The following DUSP11 variants were observed in gnomAD, a reference collection of about 807,000 sequenced individuals.
DUSP11 encodes RNA/RNP complex-1-interacting phosphatase.
In DUSP11, 27 loss-of-function variants were observed where a neutral mutation model predicts 41.4. The ratio of observed to expected loss-of-function variants is 0.65; its 90% CI spans 0.48 to 0.90. The LOEUF (loss-of-function observed/expected upper bound fraction) is 0.90, where lower values mean the gene tolerates loss of function less well. Among genes scored for constraint, DUSP11 ranks in the 40% least tolerant of loss-of-function variants. The pLI is 0.00. For missense variants in DUSP11, 465 were observed against 461.1 expected (o/e 1.01, Z -0.08); for synonymous variants, 188 against 159.3 (o/e 1.18, Z -1.35).
At chr2:73,765,030 ATAGT>A (rs1298284576) in intron 8 of DUSP11, among the ~76,000 whole-genome samples, 3 of 152,190 alleles carry the variant, frequency 2.0e-5, no homozygotes, top group Admixed American at 1.3e-4. Context: ...GCTATTTGTG[ATAGT>A]TAATTTTAGG....
intron 7 of DUSP11, 31 bp downstream of exon 7, chr2:73,766,797 A>T: frequency 6.5e-7 from 1 of 1,548,078 alleles, no homozygotes; most frequent in Non-Finnish European, 8.9e-7. Flanking sequence ...TCCCTGACCC[A>T]CAAATCTCAC....
Position 73,766,424 on chromosome 2 carries a change from G to A in DUSP11, c.929C>T (p.Ser310Leu), listed in dbSNP as rs575155287. 2.5e-6 allele frequency: 4 copies of A among 1,610,082 alleles called. No individual in the cohort carries two copies. The African/African-American group carries it at 5.3e-5, about 22-fold the overall frequency. Residue 310 changes from serine to leucine, a missense_variant, in exon 8 of 9, where the codon TCA (serine) becomes TTA (leucine). Ser to Leu is a moderately radical substitution (Grantham distance 145). Coordinates refer to ENST00000272444, the Ensembl canonical transcript of DUSP11. ...GGAAAACAGAGAGAGGTACCTGACT[G>A]ATTGTTGCAAACTTTGGGTCTGGGT... is the stretch of plus-strand genomic sequence containing the variant.
chr2:73,779,975 G>T, exon 1 of DUSP11: 1 of 1,614,248 alleles, frequency 6.2e-7, no homozygotes, highest in Non-Finnish European at 8.5e-7. Context: ...ACTGGCTCAT[G>T]TGGGTCCCAA....
At chr2:73,764,823 T>C (rs1416799046) in intron 8 of DUSP11, among the ~76,000 whole-genome samples, 3 of 152,030 alleles carry the variant, frequency 2.0e-5, no homozygotes, top group Admixed American at 1.3e-4. Flanking sequence ...AAAAGTTAGC[T>C]GGGCGTGGTG....
At position 73,778,260 on chromosome 2, in the gene DUSP11, A is replaced by T. The variant is rs917706660; in HGVS notation, c.318+41T>A. On this transcript the variant is annotated intron_variant, in intron 2 of 8. Coordinates refer to ENST00000272444, the Ensembl canonical transcript of DUSP11. The stretch of plus-strand genomic sequence containing the variant: ...TGGAGAGCAGTGTTCTGCATGGTGA[A>T]CTCAGATGCCTGAAAGAATACTGAA... The T allele has an allele frequency of 4.3e-6, 6 of 1,384,836 alleles. No homozygotes were observed. In the African/African-American group the frequency reaches 8.7e-5, roughly 20 times the overall value. The allele number at this position is 1,384,836 out of a possible 1,614,324, so 85.8% of individuals were successfully genotyped here.
intron 1 of DUSP11, 71 bp downstream of exon 1, chr2:73,779,803 C>T: frequency 6.3e-7 from 1 of 1,592,950 alleles, no homozygotes; most frequent in South Asian, 1.1e-5. Context: ...AGGCAGAGAC[C>T]ACAAACGATG....
intron 2 of DUSP11, 69 bp downstream of exon 2, chr2:73,778,232 G>A: frequency 5.0e-6 from 5 of 993,290 alleles, no homozygotes; most frequent in Non-Finnish European, 7.5e-6. Context: ...GAATGTGATA[G>A]AGTGGAGAGC....
intron 3 of DUSP11, among the ~76,000 whole-genome samples, 170 bp from the exon 4 acceptor site, chr2:73,774,093 C>A (rs1225228192): frequency 6.6e-6 from 1 of 152,132 alleles, no homozygotes; most frequent in Non-Finnish European, 1.5e-5. Flanking sequence ...CTGCTTCAAC[C>A]AGGAAGTATC....
chr2:73,762,461 T>C (rs1051237775), exon 9 of DUSP11: 2 of 384,598 alleles, frequency 5.2e-6, no homozygotes, highest in Admixed American at 8.7e-5. Flanking sequence ...AAGACTGGAA[T>C]AACAGATTGT....
chr2:73,770,446 C>T (rs1300733833), intron 4 of DUSP11, among the ~76,000 whole-genome samples: 1 of 150,392 alleles, frequency 6.6e-6, no homozygotes, highest in African/African-American at 2.5e-5. Flanking sequence ...ACCCAGGAGA[C>T]GGAGGTTGCA....
intron 8 of DUSP11, among the ~76,000 whole-genome samples, chr2:73,763,486 G>C (rs987118684): frequency 1.3e-5 from 2 of 152,208 alleles, no homozygotes. Context: ...CACTTTGGGA[G>C]GCCAAGGCGG....
chr2:73,763,081 G>T (rs1002968924), intron 8 of DUSP11, among the ~76,000 whole-genome samples: 2 of 151,720 alleles, frequency 1.3e-5, no homozygotes, highest in African/African-American at 4.9e-5. Context: ...TCACCTTCAC[G>T]AGCTGTTATG....
chr2:73,780,087 C>T (rs1288934095), exon 1 of DUSP11: 2 of 1,577,536 alleles, frequency 1.3e-6, no homozygotes, highest in Non-Finnish European at 1.7e-6. Flanking sequence ...GCCACCTACG[C>T]CGCGCTCCAG....
At chr2:73,771,327 C>A (rs573947347) in intron 4 of DUSP11, among the ~76,000 whole-genome samples, 1 of 152,186 alleles carries the variant, frequency 6.6e-6, no homozygotes, top group South Asian at 2.1e-4. Flanking sequence ...TGGCTTTAGG[C>A]CCTGTGCCTT....
exon 9 of DUSP11, chr2:73,762,433 CTTCT>C (rs1467780095): frequency 2.4e-5 from 8 of 329,810 alleles, no homozygotes; most frequent in Non-Finnish European, 3.8e-5. Context: ...AAAATATTGT[CTTCT>C]TTTAGAAAAA....
At chr2:73,766,931 A>C in intron 6 of DUSP11, 28 bp from the exon 7 acceptor site, 1 of 1,588,364 alleles carries the variant, frequency 6.3e-7, no homozygotes, top group South Asian at 1.1e-5. Context: ...TGTTAGAAAT[A>C]ACTGTACAAA....
intron 2 of DUSP11, among the ~76,000 whole-genome samples, chr2:73,777,481 T>C (rs192917640): frequency 2.6e-4 from 39 of 152,358 alleles, no homozygotes; most frequent in African/African-American, 8.9e-4. Context: ...CACCTTCTCA[T>C]CTTTTTTATG....
At chr2:73,766,313 A>C (rs1672459982) in intron 8 of DUSP11, 105 bp downstream of exon 8, 3 of 1,181,038 alleles carry the variant, frequency 2.5e-6, no homozygotes, top group Non-Finnish European at 2.3e-6. Context: ...TGTCTCCAAA[A>C]AAAAAAAAAA....
intron 8 of DUSP11, among the ~76,000 whole-genome samples, chr2:73,764,115 A>G (rs1298992369): frequency 6.6e-6 from 1 of 152,186 alleles, no homozygotes; most frequent in Non-Finnish European, 1.5e-5. Context: ...AAGTAAATAT[A>G]GCTTTTTCTG....
Sources: gnomAD v4.1 joint callset for allele counts (sites outside exome capture counted in the v4.1 genomes callset) on GRCh38, gnomAD v4.1.1 for gene constraint, MANE v1.5 for transcripts, NCBI Gene and HGNC (gene_info 2026-07-23, HGNC 2026-07-21) for gene names.